Variants in LRP2 observed in about 807,000 individuals in gnomAD.
LRP2 encodes LDL receptor related protein 2, also known as low-density lipoprotein receptor-related protein 2.
Under a neutral mutation model 531.0 loss-of-function variants are expected in LRP2, and 172 were observed. That is an observed-to-expected ratio of 0.32 (90% CI 0.29 to 0.37). The LOEUF (loss-of-function observed/expected upper bound fraction) is 0.37. Ranked by LOEUF, LRP2 falls within the 10% of genes least tolerant of loss-of-function variation. The probability of loss-of-function intolerance (pLI) is 1.00; values close to 1 mark genes in which losing one functional copy is unlikely to be tolerated. For synonymous variants in LRP2, 1,992 were observed against 2,027.6 expected, an observed-to-expected ratio of 0.98 and a Z score of 0.47; for missense variants, 5,167 against 5,868.3, an observed-to-expected ratio of 0.88 and a Z score of 3.90.
At chr2:169,258,159 T>C (rs1421509) in intron 17 of LRP2, among the ~76,000 whole-genome samples, 82,180 of 151,976 alleles carry the variant, frequency 0.54, 23,135 homozygotes, top group South Asian at 0.75. Context: ...ATACTCTAGA[T>C]GCAGCAAACA....
chr2:169,357,250 C>T (rs1559090492), intron 1 of LRP2, among the ~76,000 whole-genome samples: 1 of 147,762 alleles, frequency 6.8e-6, no homozygotes, highest in Admixed American at 6.7e-5. Flanking sequence ...TTCATAAGCA[C>T]CTTCTACTTT....
intron 66 of LRP2, among the ~76,000 whole-genome samples, 162 bp downstream of exon 66, chr2:169,154,298 A>G (rs1024096675): frequency 5.9e-5 from 9 of 152,230 alleles, no homozygotes; most frequent in Non-Finnish European, 1.0e-4. Context: ...CTGGGATTCA[A>G]GGCCACGCTA....
rs75588529 is a variant in LRP2, at chr2:169,150,551, T to C, written c.12590+347A>G. Among the ~76,000 whole-genome samples the C allele has an allele frequency of 8.1e-3, 1,237 of 152,294 alleles. 12 individuals carry two copies. The highest frequency in any genetic ancestry group is 0.013 in the Non-Finnish European group (878 of 68,018). ...CCCTAGCTGGATTTCAATGAATGAG[T>C]TACTTTAAAACATCCAAATGAAAGG... is the stretch of plus-strand genomic sequence containing the variant. On this transcript the variant is annotated intron_variant, in intron 68 of 78. Transcript: ENST00000649046.
Position 169,275,219 on chromosome 2 carries a change from C to T in LRP2, c.1792G>A (p.Gly598Ser), listed in dbSNP as rs374368151. ...CCAAAGGGATGAGGAATGAGGGAGCCTCCATGAACTACAGTCTTCCTGTTA... is the reference window on the plus strand; with the variant it reads ...CCAAAGGGATGAGGAATGAGGGAGCTTCCATGAACTACAGTCTTCCTGTTA... ...GIQRKTVVHG[G>S]SLIPHPFGVS... Residue 598 changes from glycine (G) to serine (S), a missense_variant, in exon 14 of 79, where the codon GGC becomes AGC. Physicochemically the swap from Gly to Ser is moderately conservative, Grantham distance 56. Coordinates refer to ENST00000649046, the MANE Select transcript of LRP2 (RefSeq NM_004525.3). The T allele has an allele frequency of 1.9e-4, 309 of 1,613,356 alleles. No homozygotes were observed. Among genetic ancestry groups the T allele is most frequent in the Non-Finnish European group, 2.5e-4 (297 of 1,179,596 alleles).
intron 76 of LRP2, among the ~76,000 whole-genome samples, chr2:169,136,291 C>T (rs745364395): frequency 1.1e-4 from 17 of 152,036 alleles, no homozygotes; most frequent in South Asian, 4.2e-4. Flanking sequence ...AGAAACACTG[C>T]GCATTATCTC....
At chr2:169,310,982 T>A (rs1220528730) in intron 3 of LRP2, among the ~76,000 whole-genome samples, 2 of 152,224 alleles carry the variant, frequency 1.3e-5, no homozygotes, top group Admixed American at 1.3e-4. Context: ...TTCTAGTTGA[T>A]TTGCATAGAG....
chr2:169,160,341 T>C (rs1319778878), intron 63 of LRP2, among the ~76,000 whole-genome samples: 1 of 152,154 alleles, frequency 6.6e-6, no homozygotes, highest in Non-Finnish European at 1.5e-5. Context: ...TGCTTGATTA[T>C]AACACATCAC....
At chr2:169,274,749 G>A (rs145153384) in intron 14 of LRP2, among the ~76,000 whole-genome samples, 146 of 152,252 alleles carry the variant, frequency 9.6e-4, no homozygotes, top group African/African-American at 3.2e-3. Context: ...TGGTTTGTGA[G>A]CTGCTATACC....
At chr2:169,344,683 A>G (rs981778249) in intron 1 of LRP2, among the ~76,000 whole-genome samples, 1 of 152,176 alleles carries the variant, frequency 6.6e-6, no homozygotes, top group African/African-American at 2.4e-5. Flanking sequence ...AACTTAGAAA[A>G]CATAAATAAA....
chr2:169,150,018 G>T (rs1479898490), intron 68 of LRP2, among the ~76,000 whole-genome samples: 1 of 152,110 alleles, frequency 6.6e-6, no homozygotes, highest in Non-Finnish European at 1.5e-5. Flanking sequence ...CTAATATATT[G>T]TGTAGATAAG....
Position 169,277,725 on chromosome 2 carries a change from C to A in LRP2, c.1772+20G>T. Reference sequence around the variant, plus strand: ...TCCCTGCAACTTATAAAGCCATAAGCCATAAAAAATACTTCTTACCTTTGA... The same window carrying A: ...TCCCTGCAACTTATAAAGCCATAAGACATAAAAAATACTTCTTACCTTTGA... On this transcript the variant is annotated intron_variant, in intron 13 of 78. Coordinates refer to ENST00000649046, the MANE Select transcript of LRP2 (RefSeq NM_004525.3). The A allele has an allele frequency of 6.2e-7, 1 of 1,603,332 alleles. No homozygotes were observed. The highest frequency in any genetic ancestry group is 8.5e-7 in the Non-Finnish European group (1 of 1,170,234).
chr2:169,168,692 A>G lies in LRP2; in HGVS notation c.11498-16T>C, dbSNP rs1490551974. 1 of 1,614,002 alleles carries G rather than the reference A, an allele frequency of 6.2e-7. No individual in the cohort carries two copies. The highest frequency in any genetic ancestry group is 2.2e-5 in the East Asian group (1 of 44,874). ...AAGCGTGTGGCTGCCATGGGGGAAA[A>G]AAACATATTCAAATTATTATACAAA... On this transcript the variant is annotated splice_polypyrimidine_tract_variant and intron_variant, in intron 60 of 78. Transcript: ENST00000649046.
chr2:169,361,377 C>CTCTCTCTCTCTCTCTCTCTCTCTCT lies in LRP2; in HGVS notation c.79+943_79+944insAGAGAGAGAGAGAGAGAGAGAGAGA, dbSNP rs1559092856. Among the ~76,000 whole-genome samples, 10 of 52,294 alleles carry CTCTCTCTCTCTCTCTCTCTCTCTCT rather than the reference C, an allele frequency of 1.9e-4. 1 individual carries two copies. Among genetic ancestry groups the CTCTCTCTCTCTCTCTCTCTCTCTCT allele is most frequent in the Middle Eastern group, 0.011 (1 of 90 alleles). 34.3% of individuals were successfully genotyped at this position (52,294 alleles called of 152,430 possible). Reference sequence around the variant, plus strand: ...CTCTCTCTCTCTCTCTCTCTCTCTCCCTCTCTCTCTCTCTCTCTGTCTCTC... The same window carrying CTCTCTCTCTCTCTCTCTCTCTCTCT: ...CTCTCTCTCTCTCTCTCTCTCTCTCCTCTCTCTCTCTCTCTCTCTCTCTCTCTCTCTCTCTCTCTCTCTGTCTCTC... On this transcript the variant is annotated intron_variant, in intron 1 of 78. Transcript: ENST00000649046.
chr2:169,197,034 C>A lies in LRP2; in HGVS notation c.8579-4G>T. The A allele has an allele frequency of 1.2e-6, 2 of 1,613,538 alleles. No individual in the cohort carries two copies. Among genetic ancestry groups the A allele is most frequent in the Non-Finnish European group, 1.7e-6 (2 of 1,179,918 alleles). ...CTGCTGCTGCACGTGTGAGTGGCTGCAGGAGGGAAAGAAGATAAAACCCAT... is the reference window on the plus strand; with the variant it reads ...CTGCTGCTGCACGTGTGAGTGGCTGAAGGAGGGAAAGAAGATAAAACCCAT... On this transcript the variant is annotated splice_polypyrimidine_tract_variant and splice_region_variant and intron_variant, in intron 45 of 78. Coordinates refer to ENST00000649046, the MANE Select transcript of LRP2 (RefSeq NM_004525.3).
At chr2:169,295,008 C>T (rs1471750196) in intron 4 of LRP2, among the ~76,000 whole-genome samples, 1 of 152,022 alleles carries the variant, frequency 6.6e-6, no homozygotes, top group Non-Finnish European at 1.5e-5. Context: ...GAAAAGTATC[C>T]CCTGAAGAAG....
intron 52 of LRP2, among the ~76,000 whole-genome samples, chr2:169,181,129 A>C (rs57553016): frequency 6.7e-6 from 1 of 148,424 alleles, no homozygotes; most frequent in Non-Finnish European, 1.5e-5. Context: ...TTAAAGAGAT[A>C]AAAAAAATTA....
chr2:169,242,449 T>C (rs1301127057), intron 24 of LRP2, among the ~76,000 whole-genome samples: 2 of 152,234 alleles, frequency 1.3e-5, no homozygotes, highest in Non-Finnish European at 2.9e-5. Flanking sequence ...TAACTGTCTA[T>C]CTTGCTTAAT....
In LRP2 at chr2:169,259,034, G is replaced by C; in HGVS notation, c.2504C>G (p.Pro835Arg). Residue 835 changes from proline to arginine, a missense_variant, in exon 17 of 79, where the codon CCT becomes CGT. By Grantham distance (103) the Pro-to-Arg change is moderately radical. Transcript: ENST00000649046. Reference sequence around the variant, plus strand: ...ACATGAACACACTTACCCGGCAAAAGGATGAACTACCACCGACCGTGGGTT... The same window carrying C: ...ACATGAACACACTTACCCGGCAAAACGATGAACTACCACCGACCGTGGGTT... ...LNNPRSVVVH[P>R]FAGYLFFTDW... is the part of the protein sequence containing the mutation. 1 of 1,613,196 alleles carries C rather than the reference G, an allele frequency of 6.2e-7. No homozygotes were observed. Among genetic ancestry groups the C allele is most frequent in the Non-Finnish European group, 8.5e-7 (1 of 1,179,498 alleles).
rs749872607 is a variant in LRP2, at chr2:169,346,522, C to G, written c.79+15799G>C. On this transcript the variant is annotated intron_variant, in intron 1 of 78. Coordinates refer to ENST00000649046, the MANE Select transcript of LRP2 (RefSeq NM_004525.3). ...ATTCAATTTTATGCATTTGCAAATT[C>G]TTTTTTTATTACACAGTAACTTTAA... 2.4e-4 allele frequency among the ~76,000 whole-genome samples: 37 copies of G among 152,036 alleles called. 1 individual carries two copies. Among genetic ancestry groups the G allele is most frequent in the Non-Finnish European group, 2.9e-5 (2 of 68,006 alleles).
Sources: gnomAD v4.1 joint callset for allele counts (sites outside exome capture counted in the v4.1 genomes callset) on GRCh38, gnomAD v4.1.1 for gene constraint, MANE v1.5 for transcripts, NCBI Gene and HGNC (gene_info 2026-07-23, HGNC 2026-07-21) for gene names.